The following SCHIP1 variants were observed in gnomAD, a reference collection of about 807,000 sequenced individuals.
The protein encoded by SCHIP1 is schwannomin-interacting protein 1.
SCHIP1 carries 8 observed loss-of-function variants against 29.7 expected under a neutral mutation model. The ratio of observed to expected loss-of-function variants is 0.27; its 90% CI spans 0.16 to 0.49. The LOEUF is 0.49. Ranked by LOEUF, SCHIP1 falls within the 20% of genes least tolerant of loss-of-function variation. SCHIP1 has a pLI of 0.99. For missense variants in SCHIP1, 193 were observed against 294.6 expected (o/e 0.66, Z 2.52); for synonymous variants, 76 against 94.9 (o/e 0.80, Z 1.16).
At chr3:159,581,346 G>C in the SCHIP1 span, among the ~76,000 whole-genome samples, 3 of 152,108 alleles carry the variant, frequency 2.0e-5, no homozygotes, top group South Asian at 6.2e-4. Flanking sequence ...CCACCAATGG[G>C]TGTGGGCACA....
chr3:159,522,151 G>A, the SCHIP1 span, among the ~76,000 whole-genome samples: 3 of 152,212 alleles, frequency 2.0e-5, no homozygotes, highest in Non-Finnish European at 2.9e-5. Flanking sequence ...CTGTGAAATA[G>A]GTGTTATGAA....
the SCHIP1 span, among the ~76,000 whole-genome samples, chr3:159,335,784 A>T: frequency 7.4e-4 from 113 of 152,284 alleles, no homozygotes; most frequent in Non-Finnish European, 9.7e-4. Context: ...TGCTATTGTG[A>T]ATAGTGCCGC....
the SCHIP1 span, among the ~76,000 whole-genome samples, chr3:159,439,418 A>T: frequency 1.3e-5 from 2 of 152,094 alleles, no homozygotes; most frequent in African/African-American, 4.8e-5. Flanking sequence ...CGCCTTATAA[A>T]ACCATCAGAT....
At chr3:159,830,011 G>T in the SCHIP1 span, among the ~76,000 whole-genome samples, 1 of 152,158 alleles carries the variant, frequency 6.6e-6, no homozygotes, top group Non-Finnish European at 1.5e-5. Flanking sequence ...TTGCTACTTT[G>T]CTTTTAAGAT....
the SCHIP1 span, among the ~76,000 whole-genome samples, chr3:159,577,433 C>T: frequency 2.0e-5 from 3 of 152,166 alleles, no homozygotes; most frequent in Non-Finnish European, 4.4e-5. Flanking sequence ...TGATCCATCT[C>T]AAAGTGTGAA....
intron 2 of SCHIP1, among the ~76,000 whole-genome samples, chr3:159,877,712 G>T (rs1715984802): frequency 6.6e-6 from 1 of 152,184 alleles, no homozygotes; most frequent in Admixed American, 6.5e-5. Flanking sequence ...ATTTTCAAAG[G>T]TCTGGAAGGG....
At chr3:159,723,637 A>G in the SCHIP1 span, among the ~76,000 whole-genome samples, 1 of 152,174 alleles carries the variant, frequency 6.6e-6, no homozygotes, top group Admixed American at 6.5e-5. Flanking sequence ...TTTATTGTGA[A>G]GAACCCAGCC....
At chr3:159,792,477 A>G in the SCHIP1 span, among the ~76,000 whole-genome samples, 1 of 152,232 alleles carries the variant, frequency 6.6e-6, no homozygotes, top group Non-Finnish European at 1.5e-5. Flanking sequence ...ATAAATGGTA[A>G]CATGTTGTTA....
At chr3:159,274,466 A>C in the SCHIP1 span, 253 of 759,590 alleles carry the variant, frequency 3.3e-4, no homozygotes, top group Non-Finnish European at 3.7e-4. Context: ...AATTTTATAA[A>C]ATTATATATG....
chr3:159,490,755 G>A, the SCHIP1 span, among the ~76,000 whole-genome samples: 1 of 152,152 alleles, frequency 6.6e-6, no homozygotes, highest in African/African-American at 2.4e-5. Context: ...GGAAGCTGTG[G>A]GTTGTCCTAG....
the SCHIP1 span, among the ~76,000 whole-genome samples, chr3:159,359,662 A>C: frequency 6.6e-6 from 1 of 152,160 alleles, no homozygotes; most frequent in African/African-American, 2.4e-5. Flanking sequence ...TAGAACAAAA[A>C]TGTCAGGTGG....
At chr3:159,764,395 C>G in the SCHIP1 span, 1 of 1,514,314 alleles carries the variant, frequency 6.6e-7, no homozygotes, top group Admixed American at 2.1e-5. This position sits in a 1 kb window ranked among gnomAD's most constrained non-coding sequence, Gnocchi z 6.1. Context: ...TGGCGGGAGG[C>G]TGGAGCAGGC....
chr3:159,758,155 A>T, the SCHIP1 span, among the ~76,000 whole-genome samples: 39 of 151,934 alleles, frequency 2.6e-4, no homozygotes, highest in Admixed American at 2.3e-3. Context: ...TTACAGACTT[A>T]CATTTTTTTT....
chr3:159,496,415 A>C, the SCHIP1 span, among the ~76,000 whole-genome samples: 1 of 152,164 alleles, frequency 6.6e-6, no homozygotes, highest in Admixed American at 6.6e-5. Flanking sequence ...CAAGAAAAAA[A>C]CAAACAACCC....
chr3:159,706,220 T>C, the SCHIP1 span, among the ~76,000 whole-genome samples: 1 of 152,116 alleles, frequency 6.6e-6, no homozygotes, highest in Non-Finnish European at 1.5e-5. Flanking sequence ...AAGACTTTTT[T>C]TTAACTCCAC....
chr3:159,433,940 C>T, the SCHIP1 span, among the ~76,000 whole-genome samples: 1 of 152,186 alleles, frequency 6.6e-6, no homozygotes, highest in East Asian at 1.9e-4. Context: ...CACTGCCTGC[C>T]TCCATGCTCT....
the SCHIP1 span, among the ~76,000 whole-genome samples, chr3:159,368,730 TA>T: frequency 6.6e-6 from 1 of 151,756 alleles, no homozygotes; most frequent in Non-Finnish European, 1.5e-5. Flanking sequence ...TGGTGAGAGA[TA>T]GGGGTAGAGA....
At chr3:159,328,131 G>A in the SCHIP1 span, among the ~76,000 whole-genome samples, 5 of 152,168 alleles carry the variant, frequency 3.3e-5, no homozygotes, top group South Asian at 2.1e-4. Flanking sequence ...TTAAATTACC[G>A]AAAATTAAAT....
the SCHIP1 span, among the ~76,000 whole-genome samples, chr3:159,809,817 A>G: frequency 2.6e-5 from 4 of 152,110 alleles, no homozygotes; most frequent in African/African-American, 9.7e-5. Context: ...CCTGGGCAAC[A>G]TGGTGAAACC....
Sources: gnomAD v4.1 joint callset for allele counts (sites outside exome capture counted in the v4.1 genomes callset) on GRCh38, gnomAD v4.1.1 for gene constraint, Gnocchi (gnomAD v3.1) non-coding constraint, MANE v1.5 for transcripts, NCBI Gene and HGNC (gene_info 2026-07-23, HGNC 2026-07-21) for gene names.